The following MALRD1 variants were observed in gnomAD, a reference collection of about 807,000 sequenced individuals.
MALRD1 encodes the protein MAM and LDL receptor class A domain containing 1.
Under a neutral mutation model 242.1 loss-of-function variants are expected in MALRD1, and 247 were observed. The observed-to-expected ratio is 1.02, with a 90% CI of 0.92 to 1.13. The LOEUF (loss-of-function observed/expected upper bound fraction) is 1.13, where lower values mean the gene tolerates loss of function less well. Ranked by LOEUF, MALRD1 falls within the 50% of genes most tolerant of loss-of-function variation. The pLI, the probability that MALRD1 is intolerant of heterozygous loss-of-function variation, is 0.00. For missense variants in MALRD1, 2,989 were observed against 2,533.1 expected (o/e 1.18, Z -3.86); for synonymous variants, 995 against 866.6 (o/e 1.15, Z -2.60).
rs572451312 is a variant in MALRD1, at chr10:19,464,008, A to G, written c.5029+13518A>G. 7.2e-5 allele frequency among the ~76,000 whole-genome samples: 11 copies of G among 152,226 alleles called. No homozygotes were observed. The East Asian group carries it at 1.7e-3, about 24-fold the overall frequency. Reference sequence around the variant, plus strand: ...TTTCATATGTTTGTTGACCATTTGTATATCTTCTTTGGACAATTGTCTGTT... The same window carrying G: ...TTTCATATGTTTGTTGACCATTTGTGTATCTTCTTTGGACAATTGTCTGTT... On this transcript the variant is annotated intron_variant, in intron 29 of 39. Coordinates refer to ENST00000454679, the MANE Select transcript of MALRD1 (RefSeq NM_001142308.3).
chr10:19,365,679 A>AC (rs1214750988), intron 26 of MALRD1, among the ~76,000 whole-genome samples: 1 of 79,442 alleles, frequency 1.3e-5, no homozygotes, highest in Non-Finnish European at 2.7e-5. Context: ...AAAAAAAAAA[A>AC]AAAAAAAAAC....
intron 38 of MALRD1, among the ~76,000 whole-genome samples, chr10:19,698,786 T>A (rs1833488049): frequency 6.6e-6 from 1 of 152,100 alleles, no homozygotes. Flanking sequence ...GCTTAATGTT[T>A]TGAAAGTAGA....
chr10:19,624,258 T>G (rs547049811), intron 36 of MALRD1, among the ~76,000 whole-genome samples: 1 of 152,256 alleles, frequency 6.6e-6, no homozygotes, highest in South Asian at 2.1e-4. Context: ...GGAAACATCC[T>G]AAATGCCCAT....
chr10:19,204,456 C>T, intron 16 of MALRD1, 43 bp downstream of exon 16: 1 of 1,359,292 alleles, frequency 7.4e-7, no homozygotes, highest in East Asian at 2.5e-5. Flanking sequence ...AACAGTTCAC[C>T]CTGGTGGTGA....
chr10:19,267,706 A>C (rs1389827339), intron 19 of MALRD1, among the ~76,000 whole-genome samples: 1 of 152,094 alleles, frequency 6.6e-6, no homozygotes, highest in Non-Finnish European at 1.5e-5. Context: ...ACATGAAAGC[A>C]CTGTGTTTTG....
At chr10:19,569,200 A>T (rs954976688) in intron 33 of MALRD1, among the ~76,000 whole-genome samples, 49 of 152,060 alleles carry the variant, frequency 3.2e-4, no homozygotes, top group Non-Finnish European at 4.4e-5. Flanking sequence ...GCTGCTGGTC[A>T]TGCTAATGGG....
chr10:19,194,901 C>T (rs575361765), intron 14 of MALRD1, among the ~76,000 whole-genome samples: 2 of 152,266 alleles, frequency 1.3e-5, no homozygotes, highest in East Asian at 1.9e-4. Flanking sequence ...GTAGTCCACC[C>T]TTATCTGCAG....
chr10:19,730,880 C>A, intron 39 of MALRD1, 99 bp downstream of exon 39: 1 of 1,099,650 alleles, frequency 9.1e-7, no homozygotes, highest in Non-Finnish European at 1.3e-6. Flanking sequence ...GATCATGTTT[C>A]TACATCATAA....
chr10:19,637,226 G>A (rs1840176862), intron 36 of MALRD1, among the ~76,000 whole-genome samples: 1 of 152,018 alleles, frequency 6.6e-6, no homozygotes, highest in African/African-American at 2.4e-5. Flanking sequence ...ATATCTGATG[G>A]TTTTAAAACT....
At chr10:19,304,803 A>G (rs1199296304) in intron 21 of MALRD1, among the ~76,000 whole-genome samples, 1 of 151,746 alleles carries the variant, frequency 6.6e-6, no homozygotes, top group African/African-American at 2.4e-5. Context: ...CTTCATATTT[A>G]GCTTGTTCAT....
intron 19 of MALRD1, among the ~76,000 whole-genome samples, chr10:19,271,328 A>G (rs1379532059): frequency 6.6e-6 from 1 of 152,224 alleles, no homozygotes; most frequent in Non-Finnish European, 1.5e-5. Flanking sequence ...ACCACATGGC[A>G]TTGGTTAAAA....
chr10:19,272,440 T>C (rs1371373099), intron 19 of MALRD1, among the ~76,000 whole-genome samples: 2 of 152,066 alleles, frequency 1.3e-5, no homozygotes, highest in Admixed American at 6.6e-5. Flanking sequence ...ATATGAACCA[T>C]CAGTTATAAG....
chr10:19,424,108 C>T (rs1420558723), intron 28 of MALRD1, among the ~76,000 whole-genome samples: 1 of 152,092 alleles, frequency 6.6e-6, no homozygotes, highest in Non-Finnish European at 1.5e-5. Context: ...AAATCTAGCT[C>T]ATGTGTGTTT....
chr10:19,408,378 T>A (rs1833126504), intron 28 of MALRD1, among the ~76,000 whole-genome samples: 1 of 152,132 alleles, frequency 6.6e-6, no homozygotes, highest in Non-Finnish European at 1.5e-5. Flanking sequence ...GAGACAAGTA[T>A]CAAACTTCAC....
chr10:19,632,301 C>A (rs1467216183), intron 36 of MALRD1, among the ~76,000 whole-genome samples: 1 of 152,118 alleles, frequency 6.6e-6, no homozygotes, highest in Non-Finnish European at 1.5e-5. Flanking sequence ...ATTCCACATC[C>A]TCTGTCCTTC....
At chr10:19,141,205 T>G (rs910258425) in intron 10 of MALRD1, among the ~76,000 whole-genome samples, 1 of 152,194 alleles carries the variant, frequency 6.6e-6, no homozygotes, top group Non-Finnish European at 1.5e-5. Flanking sequence ...AGTTTATACA[T>G]GAAATAGATC....
chr10:19,474,204 G>A (rs902965253), intron 29 of MALRD1, among the ~76,000 whole-genome samples: 6 of 151,950 alleles, frequency 3.9e-5, no homozygotes, highest in African/African-American at 1.5e-4. Context: ...CTTTTGTCAA[G>A]TTTTAAGCAG....
intron 36 of MALRD1, among the ~76,000 whole-genome samples, chr10:19,690,111 C>A (rs1842757298): frequency 6.6e-6 from 1 of 151,878 alleles, no homozygotes; most frequent in Non-Finnish European, 1.5e-5. Flanking sequence ...TCTCTAAAAT[C>A]TTTTTTTGTA....
At chr10:19,486,810 G>A (rs1837256728) in intron 29 of MALRD1, among the ~76,000 whole-genome samples, 1 of 152,028 alleles carries the variant, frequency 6.6e-6, no homozygotes, top group Admixed American at 6.6e-5. Flanking sequence ...AATCCAAATT[G>A]AAATTTATAG....
Sources: gnomAD v4.1 joint callset for allele counts (sites outside exome capture counted in the v4.1 genomes callset) on GRCh38, gnomAD v4.1.1 for gene constraint, MANE v1.5 for transcripts, NCBI Gene and HGNC (gene_info 2026-07-23, HGNC 2026-07-21) for gene names.